Variants in CNTNAP4 observed in about 807,000 individuals in gnomAD.
CNTNAP4 encodes contactin associated protein family member 4, also known as contactin-associated protein-like 4.
CNTNAP4 carries 98 observed loss-of-function variants against 148.4 expected under a neutral mutation model. The observed-to-expected ratio is 0.66, with a 90% CI of 0.56 to 0.78. The LOEUF (loss-of-function observed/expected upper bound fraction) is 0.78, where lower values mean the gene tolerates loss of function less well. Ranked by LOEUF, CNTNAP4 falls within the 30% of genes least tolerant of loss-of-function variation. CNTNAP4 has a pLI of 0.00. For missense variants in CNTNAP4, 1,935 were observed against 1,565.6 expected (o/e 1.24, Z -3.98); for synonymous variants, 730 against 565.1 (o/e 1.29, Z -4.14).
At chr16:76,530,060 C>T (rs1332535683) in intron 17 of CNTNAP4, among the ~76,000 whole-genome samples, 1 of 152,004 alleles carries the variant, frequency 6.6e-6, no homozygotes, top group East Asian at 1.9e-4. Flanking sequence ...AAAAAAACTT[C>T]ATAAGAATTC....
At chr16:76,416,681 G>T (rs1164515800) in intron 3 of CNTNAP4, among the ~76,000 whole-genome samples, 1 of 151,384 alleles carries the variant, frequency 6.6e-6, no homozygotes, top group Non-Finnish European at 1.5e-5. Context: ...TGTTCCATGT[G>T]AGCTTAAGAT....
chr16:76,371,396 C>T (rs1030127717), intron 3 of CNTNAP4, among the ~76,000 whole-genome samples: 4 of 152,184 alleles, frequency 2.6e-5, no homozygotes, highest in African/African-American at 9.6e-5. Context: ...AGCGACTCTC[C>T]TGCCTCAGCC....
At chr16:76,462,450 T>C (rs1157295299) in intron 9 of CNTNAP4, among the ~76,000 whole-genome samples, 1 of 152,228 alleles carries the variant, frequency 6.6e-6, no homozygotes, top group Non-Finnish European at 1.5e-5. Context: ...AGTAGTTTCT[T>C]GATTATGCCC....
chr16:76,532,584 A>G (rs570792501), intron 17 of CNTNAP4, among the ~76,000 whole-genome samples: 2 of 152,352 alleles, frequency 1.3e-5, no homozygotes, highest in Admixed American at 1.3e-4. Context: ...ATGTTACTGT[A>G]TACTGTAGAC....
At chr16:76,338,273 T>C (rs1303695512) in intron 2 of CNTNAP4, among the ~76,000 whole-genome samples, 1 of 152,218 alleles carries the variant, frequency 6.6e-6, no homozygotes, top group East Asian at 1.9e-4. Context: ...GTTCTTCTGC[T>C]GCTGCTTCAG....
intron 17 of CNTNAP4, among the ~76,000 whole-genome samples, chr16:76,527,251 T>A (rs144648835): frequency 6.6e-6 from 1 of 152,188 alleles, no homozygotes; most frequent in Non-Finnish European, 1.5e-5. Flanking sequence ...ACATGTCATA[T>A]GTAGAAGGAC....
At chr16:76,311,107 C>T (rs914943505) in intron 1 of CNTNAP4, among the ~76,000 whole-genome samples, 1 of 152,008 alleles carries the variant, frequency 6.6e-6, no homozygotes, top group African/African-American at 2.4e-5. Flanking sequence ...TATCTTAGTA[C>T]AGGTAATATT....
At chr16:76,289,166 G>A (rs1250769137) in intron 1 of CNTNAP4, among the ~76,000 whole-genome samples, 2 of 152,056 alleles carry the variant, frequency 1.3e-5, no homozygotes, top group African/African-American at 4.8e-5. Flanking sequence ...GATACATCAT[G>A]AGTATAAAAT....
intron 9 of CNTNAP4, among the ~76,000 whole-genome samples, chr16:76,464,134 G>C (rs2081088168): frequency 6.6e-6 from 1 of 152,126 alleles, no homozygotes; most frequent in Non-Finnish European, 1.5e-5. Flanking sequence ...GCACTTCCCA[G>C]CCTTGTACTT....
At chr16:76,547,029 C>T (rs945282877) in intron 21 of CNTNAP4, among the ~76,000 whole-genome samples, 3 of 152,130 alleles carry the variant, frequency 2.0e-5, no homozygotes, top group Non-Finnish European at 4.4e-5. Context: ...TCATTTCTTT[C>T]TGGTCTTCCC....
chr16:76,457,404 A>G (rs1029701391), intron 8 of CNTNAP4, among the ~76,000 whole-genome samples: 1 of 152,268 alleles, frequency 6.6e-6, no homozygotes, highest in Non-Finnish European at 1.5e-5. Context: ...AGGTTCCCCC[A>G]CAAACATGGC....
At chr16:76,530,335 A>G (rs1262296351) in intron 17 of CNTNAP4, among the ~76,000 whole-genome samples, 1 of 152,158 alleles carries the variant, frequency 6.6e-6, no homozygotes, top group African/African-American at 2.4e-5. Context: ...CAAATTGTTT[A>G]TCTTAATTAC....
chr16:76,499,027 A>G (rs1217966848), intron 15 of CNTNAP4, among the ~76,000 whole-genome samples: 1 of 151,686 alleles, frequency 6.6e-6, no homozygotes, highest in Non-Finnish European at 1.5e-5. Flanking sequence ...GTACACTTAA[A>G]TGGTAAAAAT....
At chr16:76,403,186 A>G (rs1020122959) in intron 3 of CNTNAP4, among the ~76,000 whole-genome samples, 1 of 150,812 alleles carries the variant, frequency 6.6e-6, no homozygotes, top group Non-Finnish European at 1.5e-5. Context: ...TCCACCTTCC[A>G]GGTTCACACC....
At chr16:76,379,570 C>T (rs766623874) in intron 3 of CNTNAP4, among the ~76,000 whole-genome samples, 5 of 152,104 alleles carry the variant, frequency 3.3e-5, no homozygotes, top group South Asian at 2.1e-4. Context: ...ACATTGCAGC[C>T]GGAGGTCACG....
intron 3 of CNTNAP4, among the ~76,000 whole-genome samples, chr16:76,355,721 G>T (rs998462481): frequency 6.6e-6 from 1 of 151,462 alleles, no homozygotes; most frequent in Non-Finnish European, 1.5e-5. Context: ...TATATTACAG[G>T]GTTCTCAAAA....
At chr16:76,533,608 CTA>C (rs1369717890) in intron 17 of CNTNAP4, among the ~76,000 whole-genome samples, 1 of 151,670 alleles carries the variant, frequency 6.6e-6, no homozygotes, top group Non-Finnish European at 1.5e-5. Context: ...TATTATGTGT[CTA>C]TTAATTTTTA....
chr16:76,475,698 C>G (rs1419163467), intron 10 of CNTNAP4, among the ~76,000 whole-genome samples: 1 of 152,156 alleles, frequency 6.6e-6, no homozygotes, highest in Non-Finnish European at 1.5e-5. Flanking sequence ...ATGAAGGGCT[C>G]TGATGTAGTG....
At chr16:76,502,672 A>G (rs1716024239) in intron 15 of CNTNAP4, among the ~76,000 whole-genome samples, 2 of 152,166 alleles carry the variant, frequency 1.3e-5, no homozygotes, top group South Asian at 4.1e-4. Flanking sequence ...TAAAAGGGGG[A>G]TCAACTACGA....
Sources: allele counts gnomAD v4.1 joint callset (sites outside exome capture counted in the v4.1 genomes callset), GRCh38; gene constraint gnomAD v4.1.1; transcripts MANE v1.5; gene names NCBI Gene and HGNC (gene_info 2026-07-23, HGNC 2026-07-21).